Variants in ALDH9A1 observed in about 807,000 individuals in gnomAD.
ALDH9A1 encodes 4-trimethylaminobutyraldehyde dehydrogenase.
In ALDH9A1, 42 loss-of-function variants were observed where a neutral mutation model predicts 56.6. The observed-to-expected ratio is 0.74, with a 90% CI of 0.58 to 0.96. The LOEUF (loss-of-function observed/expected upper bound fraction) is 0.96, where lower values mean the gene tolerates loss of function less well. ALDH9A1 is among the 40% of genes least tolerant of loss of function. The pLI is 0.00. For missense variants in ALDH9A1, 661 were observed against 651.5 expected (o/e 1.01, Z -0.16); for synonymous variants, 242 against 236.0 (o/e 1.03, Z -0.23).
At chr1:165,687,924 G>A (rs1376574459) in intron 2 of ALDH9A1, among the ~76,000 whole-genome samples, 1 of 151,916 alleles carries the variant, frequency 6.6e-6, no homozygotes, top group Non-Finnish European at 1.5e-5. Context: ...GGAGGCGGAG[G>A]TTGCAGTGAG....
chr1:165,669,004 C>T lies in ALDH9A1; in HGVS notation c.1129G>A (p.Val377Met), dbSNP rs754258086. The T allele has an allele frequency of 6.3e-7, 1 of 1,595,396 alleles. No individual in the cohort carries two copies. The highest frequency in any genetic ancestry group is 1.1e-5 in the South Asian group (1 of 87,032). ...VKVAKEQGAK[V>M]LCGGDIYVPE... The stretch of plus-strand genomic sequence containing the variant: ...ACATATATATCTCCACCACATAACA[C>T]TTTAGCACCCTGCCGAAAAGGAAAA... Residue 377 changes from valine to methionine, a missense_variant, in exon 8 of 11, where the codon GTG becomes ATG. Transcript: ENST00000354775.
chr1:165,673,068 C>A (rs1649233130), intron 6 of ALDH9A1, among the ~76,000 whole-genome samples: 1 of 137,552 alleles, frequency 7.3e-6, no homozygotes, highest in Non-Finnish European at 1.6e-5. Context: ...AAAAAATCAT[C>A]ACAATATATA....
intron 4 of ALDH9A1, among the ~76,000 whole-genome samples, chr1:165,681,690 A>G (rs957462003): frequency 5.3e-5 from 8 of 152,194 alleles, no homozygotes; most frequent in African/African-American, 1.9e-4. Context: ...CTTGCTTATC[A>G]TTTCTCTTAA....
chr1:165,663,736 C>T (rs888864412), intron 10 of ALDH9A1, among the ~76,000 whole-genome samples: 3 of 152,244 alleles, frequency 2.0e-5, no homozygotes, highest in African/African-American at 7.2e-5. Flanking sequence ...TAGGCTCTGC[C>T]TTCCAAGGGC....
chr1:165,671,317 G>A (rs986070271), intron 6 of ALDH9A1: 3 of 368,896 alleles, frequency 8.1e-6, no homozygotes, highest in Non-Finnish European at 1.6e-5. Context: ...TATCGCTGCA[G>A]CATCCCCACT....
At chr1:165,680,318 T>C (rs1213450333) in intron 5 of ALDH9A1, among the ~76,000 whole-genome samples, 169 bp downstream of exon 5, 1 of 152,132 alleles carries the variant, frequency 6.6e-6, no homozygotes, top group African/African-American at 2.4e-5. Flanking sequence ...CTTTCCCCCT[T>C]CATACTTTTA....
At chr1:165,674,522 A>C (rs1649286442) in intron 6 of ALDH9A1, among the ~76,000 whole-genome samples, 2 of 151,728 alleles carry the variant, frequency 1.3e-5, no homozygotes, top group African/African-American at 2.4e-5. Flanking sequence ...CCCCGTCTCT[A>C]CTAAAAATAC....
At chr1:165,680,355 A>G (rs555541071) in intron 5 of ALDH9A1, 132 bp downstream of exon 5, 167 of 954,532 alleles carry the variant, frequency 1.7e-4, no homozygotes, top group Non-Finnish European at 2.4e-4. Context: ...TCTGCCTAAT[A>G]AAATCTCCTT....
At chr1:165,692,458 T>C (rs1164566210) in intron 2 of ALDH9A1, among the ~76,000 whole-genome samples, 1 of 152,128 alleles carries the variant, frequency 6.6e-6, no homozygotes, top group African/African-American at 2.4e-5. Context: ...TGAACTCCCA[T>C]TCACAATTGC....
intron 2 of ALDH9A1, among the ~76,000 whole-genome samples, chr1:165,690,298 A>G (rs2101755351): frequency 6.6e-6 from 1 of 151,878 alleles, no homozygotes; most frequent in South Asian, 2.1e-4. Flanking sequence ...TTCTGACGTA[A>G]CATACTTATG....
At chr1:165,689,186 C>A (rs1026741962) in intron 2 of ALDH9A1, among the ~76,000 whole-genome samples, 1 of 151,948 alleles carries the variant, frequency 6.6e-6, no homozygotes, top group Admixed American at 6.6e-5. Flanking sequence ...TTTTTAATAA[C>A]GGGGAAAATA....
intron 8 of ALDH9A1, among the ~76,000 whole-genome samples, chr1:165,667,770 T>C (rs921074931): frequency 8.5e-5 from 13 of 152,230 alleles, no homozygotes; most frequent in African/African-American, 2.4e-4. Flanking sequence ...CTAGTGAGGA[T>C]TAAAGGTTAT....
rs747890308 is a variant in ALDH9A1 at position 165,669,312 on chromosome 1, G to A, written c.1069C>T (p.Arg357Ter). The A allele has an allele frequency of 1.3e-5, 21 of 1,613,208 alleles. No individual in the cohort carries two copies. Among genetic ancestry groups the A allele is most frequent in the East Asian group, 2.2e-5 (1 of 44,878 alleles). Residue 357 changes from arginine (R) to a stop codon, truncating the protein, a stop_gained, in exon 7 of 11, where the codon CGA becomes TGA. Coordinates refer to ENST00000354775, the MANE Select transcript of ALDH9A1 (RefSeq NM_000696.4). LOFTEE classifies it high-confidence loss of function. ...EDTRMGPLIN[R>*]PHLERVLGFV... ...CCAAGGACTCGCTCCAGGTGTGGTC[G>A]GTTGATGAGTGGACCCATCCTTGTA...
At chr1:165,680,800 T>C in intron 4 of ALDH9A1, 117 bp from the exon 5 acceptor site, 1 of 968,680 alleles carries the variant, frequency 1.0e-6, no homozygotes, top group Non-Finnish European at 1.5e-6. Context: ...CCCAACCAAA[T>C]CCTACATCAA....
intron 2 of ALDH9A1, among the ~76,000 whole-genome samples, chr1:165,689,792 G>A (rs1649827160): frequency 1.3e-5 from 2 of 151,888 alleles, no homozygotes; most frequent in African/African-American, 2.4e-5. Flanking sequence ...AAAATAGCCA[G>A]GCGTGGTGTC....
chr1:165,665,185 T>C, intron 9 of ALDH9A1, 55 bp from the exon 10 acceptor site: 1 of 1,437,158 alleles, frequency 7.0e-7, no homozygotes, highest in Non-Finnish European at 9.7e-7. Context: ...GCTACTACTT[T>C]AACAGGAAAA....
At chr1:165,665,849 A>C (rs1648990467) in intron 9 of ALDH9A1, among the ~76,000 whole-genome samples, 1 of 152,172 alleles carries the variant, frequency 6.6e-6, no homozygotes, top group African/African-American at 2.4e-5. Context: ...AGAGTTTAGC[A>C]GTTCCTCAAA....
chr1:165,690,925 T>C (rs1391149697), intron 2 of ALDH9A1, among the ~76,000 whole-genome samples: 1 of 152,188 alleles, frequency 6.6e-6, no homozygotes, highest in Non-Finnish European at 1.5e-5. Flanking sequence ...AAACTGCACC[T>C]CTGGCGGCAG....
At chr1:165,678,851 G>A (rs1649452374) in intron 6 of ALDH9A1, among the ~76,000 whole-genome samples, 1 of 152,140 alleles carries the variant, frequency 6.6e-6, no homozygotes, top group South Asian at 2.1e-4. Flanking sequence ...TGAATGGCCT[G>A]TTCTCCCAAA....
Sources: allele counts gnomAD v4.1 joint callset (sites outside exome capture counted in the v4.1 genomes callset), GRCh38; gene constraint gnomAD v4.1.1; transcripts MANE v1.5; gene names NCBI Gene and HGNC (gene_info 2026-07-23, HGNC 2026-07-21).